VDAC1: variants seen among roughly 807,000 people sequenced by gnomAD.
VDAC1 encodes the protein non-selective voltage-gated ion channel VDAC1.
A neutral mutation model predicts 34.7 loss-of-function variants in VDAC1; 10 were observed. That is an observed-to-expected ratio of 0.29 (90% CI 0.18 to 0.49). The LOEUF (loss-of-function observed/expected upper bound fraction) is 0.49, where lower values mean the gene tolerates loss of function less well. Ranked by LOEUF, VDAC1 falls within the 20% of genes least tolerant of loss-of-function variation. The probability of loss-of-function intolerance (pLI) is 0.99; values close to 1 mark genes in which losing one functional copy is unlikely to be tolerated. For missense variants in VDAC1, 230 were observed against 347.9 expected (o/e 0.66, Z 2.69); for synonymous variants, 130 against 136.0 (o/e 0.96, Z 0.30).
the VDAC1 span, among the ~76,000 whole-genome samples, chr5:134,067,138 C>T: frequency 1.3e-5 from 2 of 149,370 alleles, no homozygotes; most frequent in African/African-American, 4.9e-5. Flanking sequence ...TGCAATGGCA[C>T]AATTTCAGCT....
the VDAC1 span, among the ~76,000 whole-genome samples, chr5:134,095,270 C>G: frequency 6.6e-6 from 1 of 152,090 alleles, no homozygotes; most frequent in South Asian, 2.1e-4. Flanking sequence ...TCATCTGATG[C>G]CAGGAGTTCG....
chr5:134,026,528 A>C, the VDAC1 span, among the ~76,000 whole-genome samples: 1 of 151,586 alleles, frequency 6.6e-6, no homozygotes, highest in African/African-American at 2.4e-5. Flanking sequence ...AAAAAAAAAA[A>C]AAAAAAAAAA....
At position 133,972,061 on chromosome 5, in the gene VDAC1, A is replaced by G. The variant is rs1440738370; in HGVS notation, c.*710T>C. 2.0e-5 allele frequency: 3 copies of G among 152,708 alleles called. No individual in the cohort carries two copies. The highest frequency in any genetic ancestry group is 4.4e-5 in the Non-Finnish European group (3 of 68,088). The allele number at this position is 152,708 out of a possible 1,614,324, so 9.5% of individuals were successfully genotyped here. On this transcript the variant is annotated 3_prime_UTR_variant, in exon 9 of 9. Coordinates refer to ENST00000265333, the MANE Select transcript of VDAC1 (RefSeq NM_003374.3). ...AATTGAGTGGTGAGAATACAACAGAAGTCCAATTTAGATTCTGAGTGTTGT... is the reference window on the plus strand; with the variant it reads ...AATTGAGTGGTGAGAATACAACAGAGGTCCAATTTAGATTCTGAGTGTTGT...
chr5:133,987,305 G>A (rs927215495), intron 5 of VDAC1, among the ~76,000 whole-genome samples: 2 of 151,964 alleles, frequency 1.3e-5, no homozygotes, highest in African/African-American at 4.8e-5. Context: ...AGGTTGCAAT[G>A]AGCCGAGATC....
chr5:133,991,008 T>C lies in VDAC1; in HGVS notation c.264A>G (p.Glu88=). ...TTTTCACAGCAGCCATTACCTGATC[T>C]TCCACAGTAATCTCGGTGCCTAGTG... The part of the protein sequence containing the change: ...DNTLGTEITV[E]DQLARGLKLT... Residue 88 remains glutamate, a synonymous_variant, in exon 4 of 9, where the codon GAA becomes GAG. Transcript: ENST00000265333. 1 of 1,614,176 alleles carries C rather than the reference T, an allele frequency of 6.2e-7. No homozygotes were observed. Among genetic ancestry groups the C allele is most frequent in the Non-Finnish European group, 8.5e-7 (1 of 1,180,008 alleles).
At chr5:134,058,563 C>G in the VDAC1 span, among the ~76,000 whole-genome samples, 10 of 152,144 alleles carry the variant, frequency 6.6e-5, no homozygotes, top group Non-Finnish European at 1.5e-4. Context: ...GATCCACCTG[C>G]CTTGGCCTCC....
intron 5 of VDAC1, among the ~76,000 whole-genome samples, chr5:133,982,511 C>CA (rs147731334): frequency 0.089 from 7,249 of 81,116 alleles, 228 homozygotes; most frequent in Middle Eastern, 0.21. Context: ...GACTCCGTCT[C>CA]AAAAAAAAAA....
At chr5:134,040,609 G>A in the VDAC1 span, among the ~76,000 whole-genome samples, 10 of 151,928 alleles carry the variant, frequency 6.6e-5, no homozygotes, top group East Asian at 9.6e-4. Flanking sequence ...ATGGTGCCAC[G>A]TGCCTGTGGA....
chr5:134,036,005 CA>C, the VDAC1 span, among the ~76,000 whole-genome samples: 57,624 of 92,836 alleles, frequency 0.62, 14,903 homozygotes, highest in Non-Finnish European at 0.68. Context: ...GACTCCATCT[CA>C]AAAAAAAAAA....
upstream of VDAC1, chr5:134,005,114 C>T (rs543470816): frequency 2.0e-5 from 3 of 152,182 alleles, no homozygotes; most frequent in African/African-American, 7.2e-5. Context: ...GAGCTGTGGC[C>T]CGGAGGTCCC....
chr5:133,992,279 A>C, intron 3 of VDAC1, 27 bp downstream of exon 3: 1 of 1,487,824 alleles, frequency 6.7e-7, no homozygotes, highest in Non-Finnish European at 8.9e-7. Context: ...ATAAATACTC[A>C]TGTTCCATGT....
At chr5:134,087,271 G>A in the VDAC1 span, among the ~76,000 whole-genome samples, 1 of 152,072 alleles carries the variant, frequency 6.6e-6, no homozygotes, top group Non-Finnish European at 1.5e-5. Flanking sequence ...TGCACCTGCG[G>A]TCGCTGCAAG....
chr5:134,065,290 C>A, the VDAC1 span, among the ~76,000 whole-genome samples: 54 of 151,198 alleles, frequency 3.6e-4, no homozygotes, highest in Admixed American at 1.6e-3. Context: ...AGACACACAT[C>A]CAAATATAAT....
the VDAC1 span, among the ~76,000 whole-genome samples, chr5:134,113,429 T>A: frequency 6.6e-6 from 1 of 152,214 alleles, no homozygotes. Context: ...ACGCTGGGCC[T>A]GGACCCGGAG....
the VDAC1 span, among the ~76,000 whole-genome samples, chr5:134,091,984 C>T: frequency 6.6e-6 from 1 of 152,218 alleles, no homozygotes; most frequent in Non-Finnish European, 1.5e-5. Context: ...GGAATAACCC[C>T]AGTGCCCATG....
At chr5:134,096,606 C>T in the VDAC1 span, among the ~76,000 whole-genome samples, 14 of 9,826 alleles carry the variant, frequency 1.4e-3, no homozygotes, top group Non-Finnish European at 2.1e-3. Context: ...TTCTCTTCTT[C>T]TTTTTTTTAT....
chr5:133,978,010 C>T (rs1374520167), intron 6 of VDAC1, among the ~76,000 whole-genome samples: 1 of 152,138 alleles, frequency 6.6e-6, no homozygotes, highest in Admixed American at 6.5e-5. Context: ...TGAGTTCTGC[C>T]TCATCATTGT....
At chr5:133,984,668 C>T (rs2126942454) in intron 5 of VDAC1, among the ~76,000 whole-genome samples, 1 of 152,284 alleles carries the variant, frequency 6.6e-6, no homozygotes, top group South Asian at 2.1e-4. Context: ...GGGCACAGTG[C>T]CTCACACCTG....
At chr5:134,055,597 T>TG in the VDAC1 span, among the ~76,000 whole-genome samples, 1 of 48,046 alleles carries the variant, frequency 2.1e-5, no homozygotes, top group East Asian at 5.8e-4. Flanking sequence ...TGTTTTTTTT[T>TG]TTTTTTTTTT....
Sources: gnomAD v4.1 joint callset for allele counts (sites outside exome capture counted in the v4.1 genomes callset) on GRCh38, gnomAD v4.1.1 for gene constraint, MANE v1.5 for transcripts, NCBI Gene and HGNC (gene_info 2026-07-23, HGNC 2026-07-21) for gene names.